The following PTPRN2 variants were observed in gnomAD, a reference collection of about 807,000 sequenced individuals.
PTPRN2 encodes receptor-type tyrosine-protein phosphatase N2.
PTPRN2 carries 74 observed loss-of-function variants against 118.8 expected under a neutral mutation model. The ratio of observed to expected loss-of-function variants is 0.62; its 90% CI spans 0.52 to 0.76. The LOEUF (loss-of-function observed/expected upper bound fraction) is 0.76, where lower values mean the gene tolerates loss of function less well. Ranked by LOEUF, PTPRN2 falls within the 30% of genes least tolerant of loss-of-function variation. PTPRN2 has a pLI of 0.00. For missense variants in PTPRN2, 1,481 were observed against 1,394.4 expected, an observed-to-expected ratio of 1.06 and a Z score of -0.99; for synonymous variants, 641 against 608.0, an observed-to-expected ratio of 1.05 and a Z score of -0.80.
intron 2 of PTPRN2, among the ~76,000 whole-genome samples, chr7:158,399,173 A>G (rs915397399): frequency 5.3e-5 from 8 of 152,162 alleles, no homozygotes; most frequent in South Asian, 2.1e-4. Context: ...GAGGCTTTCC[A>G]TAAGTGTCCA....
intron 2 of PTPRN2, among the ~76,000 whole-genome samples, chr7:158,333,837 C>A: frequency 7.1e-6 from 1 of 141,114 alleles, no homozygotes; most frequent in South Asian, 2.4e-4. Context: ...CCCACACTCT[C>A]ACCATAGAGC....
At chr7:158,429,414 G>A (rs143553368) in intron 2 of PTPRN2, among the ~76,000 whole-genome samples, 31 of 152,308 alleles carry the variant, frequency 2.0e-4, no homozygotes, top group African/African-American at 5.8e-4. Context: ...GGACCTTCCC[G>A]CCATCAGGCA....
At chr7:158,149,416 T>G (rs1322765996) in intron 6 of PTPRN2, among the ~76,000 whole-genome samples, 1 of 150,678 alleles carries the variant, frequency 6.6e-6, no homozygotes, top group African/African-American at 2.4e-5. Flanking sequence ...ATAAAATGTA[T>G]AAGATGTTAC....
chr7:157,763,971 G>C lies in PTPRN2; in HGVS notation c.1789-81034C>G, dbSNP rs550299736. ...ACTCTCATGTTCGTTTGATCTTCAT[G>C]ATGTCCGTGAACACAGGGAAGCTTT... On this transcript the variant is annotated intron_variant, in intron 12 of 22. Transcript: ENST00000389418. This position sits in a 1 kb window ranked among gnomAD's most constrained non-coding sequence, Gnocchi z 4.9. Among the ~76,000 whole-genome samples, 3 of 152,306 alleles carry C rather than the reference G, an allele frequency of 2.0e-5. No individual in the cohort carries two copies. The highest frequency in any genetic ancestry group is 2.0e-4 in the Admixed American group (3 of 15,310).
In PTPRN2 at chr7:157,611,599, T is replaced by TA. The variant is rs140889296; in HGVS notation, c.2345-7525dup. 1.1e-4 allele frequency among the ~76,000 whole-genome samples: 16 copies of TA among 152,184 alleles called. No homozygotes were observed. The East Asian group carries it at 3.1e-3, about 29-fold the overall frequency. The stretch of plus-strand genomic sequence containing the variant: ...TTTGGAAATAGGGTCTTTACAGAGG[T>TA]AAGCGAGCGGAGGGCATTTGGGCGG... On this transcript the variant is annotated intron_variant, in intron 15 of 22. Transcript: ENST00000389418. The surrounding 1 kb of genome is among the most constrained non-coding windows in gnomAD (Gnocchi z 5.9).
intron 2 of PTPRN2, among the ~76,000 whole-genome samples, chr7:158,458,452 G>A (rs1818698506): frequency 6.6e-6 from 1 of 152,146 alleles, no homozygotes; most frequent in Non-Finnish European, 1.5e-5. Context: ...TTGTCAAGAG[G>A]TGTGGCCTGA....
rs1348275340 is a variant in PTPRN2, at chr7:157,729,423, G to A, written c.1789-46486C>T. 6.6e-6 allele frequency among the ~76,000 whole-genome samples: 1 copy of A among 152,094 alleles called. No homozygotes were observed. The highest frequency in any genetic ancestry group is 1.5e-5 in the Non-Finnish European group (1 of 68,020). ...GCTCCCGTGGACAGCTCCATCTTCA[G>A]CAGCTCCGTGCATAGGGACTCCTGG... On this transcript the variant is annotated intron_variant, in intron 12 of 22. Transcript: ENST00000389418. This position sits in a 1 kb window ranked among gnomAD's most constrained non-coding sequence, Gnocchi z 4.3.
chr7:158,150,019 A>C (rs967501413), intron 6 of PTPRN2, among the ~76,000 whole-genome samples: 1 of 152,210 alleles, frequency 6.6e-6, no homozygotes, highest in African/African-American at 2.4e-5. Flanking sequence ...CATCAGATTT[A>C]GGTGGCGTAG....
chr7:158,164,548 C>T (rs1326976413), intron 6 of PTPRN2, among the ~76,000 whole-genome samples: 3 of 4,632 alleles, frequency 6.5e-4, no homozygotes, highest in African/African-American at 3.4e-3. Context: ...AGGGAAGGCG[C>T]GCACGTAGGG....
intron 3 of PTPRN2, among the ~76,000 whole-genome samples, chr7:158,312,923 T>G (rs1801978239): frequency 6.6e-6 from 1 of 151,422 alleles, no homozygotes; most frequent in Non-Finnish European, 1.5e-5. Flanking sequence ...GATGTCTACA[T>G]GTCAGCATGT....
chr7:157,806,260 G>GT (rs1805624887), intron 12 of PTPRN2, among the ~76,000 whole-genome samples: 1 of 152,034 alleles, frequency 6.6e-6, no homozygotes, highest in African/African-American at 2.4e-5. Flanking sequence ...TTTCCTTTAG[G>GT]GTCAGGCCTA....
intron 12 of PTPRN2, among the ~76,000 whole-genome samples, chr7:157,695,255 A>C (rs11982255): frequency 0.081 from 12,319 of 152,146 alleles, 838 homozygotes; most frequent in African/African-American, 0.17. Context: ...AAACATGATT[A>C]TTATAAAGCA....
At chr7:158,284,550 C>G (rs945319000) in intron 3 of PTPRN2, among the ~76,000 whole-genome samples, 1 of 152,152 alleles carries the variant, frequency 6.6e-6, no homozygotes, top group African/African-American at 2.4e-5. Flanking sequence ...GAGCCACTGT[C>G]GGTGGTTTTG....
chr7:157,830,072 T>G (rs1373624826), intron 12 of PTPRN2, among the ~76,000 whole-genome samples: 1 of 23,328 alleles, frequency 4.3e-5, no homozygotes, highest in Non-Finnish European at 1.2e-4. Flanking sequence ...TCCCTCCCAC[T>G]GTCCTTTCTG....
chr7:158,302,462 G>A (rs932778250), intron 3 of PTPRN2, among the ~76,000 whole-genome samples: 1 of 152,220 alleles, frequency 6.6e-6, no homozygotes, highest in African/African-American at 2.4e-5. Flanking sequence ...CTGCATTCCA[G>A]CTCACCTTCT....
At chr7:158,366,056 G>A (rs1435584285) in intron 2 of PTPRN2, among the ~76,000 whole-genome samples, 1 of 142,648 alleles carries the variant, frequency 7.0e-6, no homozygotes, top group Non-Finnish European at 1.5e-5. Flanking sequence ...AGAAGCTGCA[G>A]CCCAATGCAC....
intron 1 of PTPRN2, among the ~76,000 whole-genome samples, chr7:158,549,027 T>C (rs1826472194): frequency 6.6e-6 from 1 of 152,168 alleles, no homozygotes; most frequent in Non-Finnish European, 1.5e-5. Context: ...AAAGAGGAGA[T>C]GCAGACAGCA....
intron 10 of PTPRN2, 136 bp downstream of exon 10, chr7:158,110,693 A>C (rs985204661): frequency 2.8e-5 from 22 of 798,734 alleles, no homozygotes; most frequent in Non-Finnish European, 4.0e-5. Context: ...AAGCTGCTGA[A>C]ATCACCTTTC....
intron 11 of PTPRN2, among the ~76,000 whole-genome samples, chr7:157,905,910 T>C (rs1017942632): frequency 6.6e-6 from 1 of 152,176 alleles, no homozygotes; most frequent in Non-Finnish European, 1.5e-5. Flanking sequence ...GCCTGGTTTC[T>C]GGCCGAGCTG....
Sources: allele counts gnomAD v4.1 joint callset (sites outside exome capture counted in the v4.1 genomes callset), GRCh38; gene constraint gnomAD v4.1.1; non-coding constraint Gnocchi (gnomAD v3.1); transcripts MANE v1.5; gene names NCBI Gene and HGNC (gene_info 2026-07-23, HGNC 2026-07-21).